MST1R: variants seen among roughly 807,000 people sequenced by gnomAD.
MST1R encodes the protein macrophage-stimulating protein receptor.
A neutral mutation model predicts 117.8 loss-of-function variants in MST1R; 99 were observed. The observed-to-expected ratio is 0.84, with a 90% CI of 0.71 to 0.99. The LOEUF is 0.99. Ranked by LOEUF, MST1R falls within the 50% of genes least tolerant of loss-of-function variation. MST1R has a pLI of 0.00. For missense variants in MST1R, 1,683 were observed against 1,840.2 expected, an observed-to-expected ratio of 0.91 and a Z score of 1.56; for synonymous variants, 734 against 765.3, an observed-to-expected ratio of 0.96 and a Z score of 0.68.
Position 49,891,538 on chromosome 3 carries a change from C to T in MST1R, c.3395G>A (p.Gly1132Glu), listed in dbSNP as rs1264677042. The change falls in exon 16 of 20, where the codon GGG (glycine) becomes GAG (glutamate). Residue 1132 changes from glycine (G) to glutamate (E), a missense_variant. Transcript: ENST00000296474. The part of the protein sequence containing the change: ...MQQVEAFLRE[G>E]LLMRGLNHPN... ...GTGGTTCAGGCCACGCATGAGCAGC[C>T]CCTCTCGCAGGAAGGCCTCCACCTG... is the stretch of plus-strand genomic sequence containing the variant. 6 of 1,613,954 alleles carry T rather than the reference C, an allele frequency of 3.7e-6. No homozygotes were observed. The highest frequency in any genetic ancestry group is 1.3e-5 in the African/African-American group (1 of 75,050).
Position 49,897,553 on chromosome 3 carries a change from G to A in MST1R, c.2013C>T (p.Asp671=), listed in dbSNP as rs374088039. The change falls in exon 6 of 20, where the codon GAC becomes GAT. Residue 671 remains aspartate, a synonymous_variant. Transcript: ENST00000296474. The part of the protein sequence containing the change: ...NMPPGKHFRV[D]GTSVLRGFSF... ...AGAAGCCTCTCAGCACGGAGGTGCCGTCTACCCGGAAGTGCTTGCCCGGTG... is the reference window on the plus strand; with the variant it reads ...AGAAGCCTCTCAGCACGGAGGTGCCATCTACCCGGAAGTGCTTGCCCGGTG... 46 of 1,613,916 alleles carry A rather than the reference G, an allele frequency of 2.9e-5. No homozygotes were observed. The highest frequency in any genetic ancestry group is 3.3e-4 in the Middle Eastern group (2 of 6,084).
intron 1 of MST1R, chr3:49,899,516 AT>A: frequency 6.3e-6 from 2 of 315,492 alleles, no homozygotes; most frequent in South Asian, 5.2e-5. Context: ...GCCCATCCTG[AT>A]GGTGAGTTAC....
intron 1 of MST1R, among the ~76,000 whole-genome samples, chr3:49,901,390 T>G (rs1211858925): frequency 2.6e-5 from 4 of 152,158 alleles, no homozygotes; most frequent in African/African-American, 9.7e-5. Flanking sequence ...TGCTGTTGCC[T>G]ACACGATGGC....
Position 49,890,501 on chromosome 3 carries a change from G to A in MST1R, c.3794C>T (p.Thr1265Ile), listed in dbSNP as rs764547217. Residue 1265 changes from threonine to isoleucine, a missense_variant, in exon 18 of 20, where the codon ACC becomes ATC. Physicochemically the swap from Thr to Ile is moderately conservative, Grantham distance 89 (BLOSUM62 -1). Transcript: ENST00000296474. ...GGGCCTCACCACATCAGACTTGGTG[G>A]TAAATCTATAGGTCTGCAGGCTCTC... ...ALESLQTYRF[T>I]TKSDVWSFGV... 1 of 1,613,432 alleles carries A rather than the reference G, an allele frequency of 6.2e-7. No homozygotes were observed. The highest frequency in any genetic ancestry group is 8.5e-7 in the Non-Finnish European group (1 of 1,179,602).
intron 5 of MST1R, 35 bp from the exon 6 acceptor site, chr3:49,897,720 G>T (rs750423898): frequency 1.3e-6 from 2 of 1,582,256 alleles, no homozygotes; most frequent in South Asian, 1.2e-5. Context: ...GGTCAGCCAG[G>T]AATTACACAG....
At chr3:49,891,097 A>C in intron 17 of MST1R, 100 bp downstream of exon 17, 1 of 1,026,264 alleles carries the variant, frequency 9.7e-7, no homozygotes, top group Non-Finnish European at 1.5e-6. Flanking sequence ...CAGAGAGGGG[A>C]GGACAAGGCT....
At chr3:49,901,344 A>T (rs1372847906) in intron 1 of MST1R, among the ~76,000 whole-genome samples, 1 of 152,184 alleles carries the variant, frequency 6.6e-6, no homozygotes, top group Non-Finnish European at 1.5e-5. Flanking sequence ...ATCTAAGAAC[A>T]GTAGCTGTGG....
At chr3:49,893,822 C>T (rs1360009801) in intron 14 of MST1R, among the ~76,000 whole-genome samples, 5 of 150,630 alleles carry the variant, frequency 3.3e-5, no homozygotes, top group Non-Finnish European at 7.4e-5. Flanking sequence ...TGGCATGAAC[C>T]TGGGAGGCGG....
intron 14 of MST1R, among the ~76,000 whole-genome samples, chr3:49,892,509 A>G (rs1303972273): frequency 1.3e-5 from 2 of 151,632 alleles, no homozygotes; most frequent in Non-Finnish European, 2.9e-5. Flanking sequence ...CCTGAGAGAC[A>G]GGGCGAGACT....
intron 1 of MST1R, among the ~76,000 whole-genome samples, chr3:49,900,983 G>A (rs1205679042): frequency 1.3e-5 from 2 of 152,218 alleles, no homozygotes; most frequent in African/African-American, 4.8e-5. Context: ...CACACCTCCT[G>A]GGGGCCTGGC....
intron 19 of MST1R, 28 bp downstream of exon 19, chr3:49,889,896 C>T (rs756795862): frequency 6.2e-7 from 1 of 1,613,846 alleles, no homozygotes; most frequent in Non-Finnish European, 8.5e-7. Flanking sequence ...GCCCAGTTCC[C>T]TCCCCACTAC....
At chr3:49,891,949 A>G (rs2082329479) in intron 14 of MST1R, 111 bp from the exon 15 acceptor site, 2 of 739,218 alleles carry the variant, frequency 2.7e-6, no homozygotes, top group Non-Finnish European at 4.5e-6. Context: ...CCAATCTGAC[A>G]TTTTATTTAT....
chr3:49,897,444 A>G, intron 6 of MST1R, 28 bp from the exon 7 acceptor site: 2 of 1,610,970 alleles, frequency 1.2e-6, no homozygotes, highest in Non-Finnish European at 1.7e-6. Context: ...TGGCTTAGGC[A>G]GGTCCTCCAC....
Position 49,887,445 on chromosome 3 carries a change from C to A in MST1R, c.4065G>T (p.Gln1355His), listed in dbSNP as rs2108351028. Residue 1355 changes from glutamine to histidine, a missense_variant, in exon 20 of 20, where the codon CAG becomes CAT. Physicochemically the swap from Gln to His is conservative, Grantham distance 24 (BLOSUM62 0). Transcript: ENST00000296474. Reference protein sequence around the residue: ...VSALLGDHYVQLPATYMNLGP... With the variant: ...VSALLGDHYVHLPATYMNLGP... ...CCAAGTTCATGTAGGTTGCTGGCAG[C>A]TGCACATAATGGTCCCCAAGCAGTG... 6.2e-7 allele frequency: 1 copy of A among 1,614,242 alleles called. No homozygotes were observed. Among genetic ancestry groups the A allele is most frequent in the South Asian group, 1.1e-5 (1 of 91,086 alleles).
chr3:49,896,316 C>T lies in MST1R; in HGVS notation c.2528G>A (p.Ser843Asn). 1 of 1,614,164 alleles carries T rather than the reference C, an allele frequency of 6.2e-7. No homozygotes were observed. Among genetic ancestry groups the T allele is most frequent in the Non-Finnish European group, 8.5e-7 (1 of 1,180,034 alleles). Residue 843 changes from serine to asparagine, a missense_variant, in exon 10 of 20, where the codon AGT becomes AAT. Physicochemically the swap from Ser to Asn is conservative, Grantham distance 46. Transcript: ENST00000296474. The part of the protein sequence containing the change: ...DPQGWVAGNL[S>N]ARGDGAAGFT... The stretch of plus-strand genomic sequence containing the variant: ...GCCAGCAGCTCCATCCCCTCGGGCA[C>T]TCAGATTCCCTGCCACCCATCCCTG...
Position 49,887,577 on chromosome 3 carries a change from G to C in MST1R, c.3948-15C>G. On this transcript the variant is annotated splice_polypyrimidine_tract_variant and intron_variant, in intron 19 of 19. Transcript: ENST00000296474. ...TCACTTGGTACCTGTTGGGGGAAAG[G>C]GATGTCAGGTTAAGGCAATTTCCAC... The C allele has an allele frequency of 6.2e-7, 1 of 1,612,214 alleles. No homozygotes were observed. The highest frequency in any genetic ancestry group is 1.1e-5 in the South Asian group (1 of 90,838).
Position 49,897,396 on chromosome 3 carries a change from CA to C in MST1R, c.2066del (p.Val689GlyfsTer23), listed in dbSNP as rs752041177. ...CTGCCCGTGGGCCAAAGAGGGGTTG[CA>C]CTGCTATCAGCACTGGCTCCTAAGA... ...FSFMEPVLIAVQPLFGPRAGG... is the reference protein window; with the variant it reads ...FSFMEPVLIAXQPLFGPRAGG... On this transcript the variant is annotated frameshift_variant, in exon 7 of 20. Transcript: ENST00000296474. LOFTEE classifies it high-confidence loss of function. 1 of 1,613,622 alleles carries C rather than the reference CA, an allele frequency of 6.2e-7. No individual in the cohort carries two copies. The highest frequency in any genetic ancestry group is 8.5e-7 in the Non-Finnish European group (1 of 1,179,790).
rs1419167855 is a variant in MST1R at position 49,899,262 on chromosome 3, G to A, written c.1232C>T (p.Pro411Leu). Residue 411 changes from proline (P) to leucine (L), a missense_variant and splice_region_variant, in exon 2 of 20, where the codon CCT (proline) becomes CTT (leucine). Pro to Leu is a moderately conservative substitution (Grantham distance 98, BLOSUM62 -3). Coordinates refer to ENST00000296474, the MANE Select transcript of MST1R (RefSeq NM_002447.4). ...FQSPSFCPNP[P>L]GLEALSPNTS... ...GTTGGGGCTGAGGGCTTCCAGGCCA[G>A]GCTGGGAAAGGTCAGGGAAGGGAAG... The A allele has an allele frequency of 6.2e-7, 1 of 1,613,888 alleles. No homozygotes were observed. Among genetic ancestry groups the A allele is most frequent in the Non-Finnish European group, 8.5e-7 (1 of 1,179,862 alleles).
chr3:49,891,680 A>G, intron 15 of MST1R, 78 bp downstream of exon 15: 1 of 1,608,386 alleles, frequency 6.2e-7, no homozygotes, highest in Non-Finnish European at 8.5e-7. Context: ...GTCACTCAGT[A>G]AGGTGGGAAC....
Sources: gnomAD v4.1 joint callset for allele counts (sites outside exome capture counted in the v4.1 genomes callset) on GRCh38, gnomAD v4.1.1 for gene constraint, MANE v1.5 for transcripts, NCBI Gene and HGNC (gene_info 2026-07-23, HGNC 2026-07-21) for gene names.